ELAVL4: variants seen among roughly 807,000 people sequenced by gnomAD.
ELAVL4 encodes ELAV-like protein 4.
ELAVL4 carries 1 observed loss-of-function variant against 35.6 expected under a neutral mutation model. The observed-to-expected ratio is 0.03, with a 90% confidence interval of 0.01 to 0.13. ELAVL4 has a LOEUF of 0.13. ELAVL4 is among the 10% of genes least tolerant of loss of function. The pLI, the probability that ELAVL4 is intolerant of heterozygous loss-of-function variation, is 1.00. For missense variants in ELAVL4, 267 were observed against 464.9 expected (o/e 0.57, Z 3.91); for synonymous variants, 156 against 171.0 (o/e 0.91, Z 0.69).
chr1:50,090,301 C>T (rs771247065), intron 1 of ELAVL4, among the ~76,000 whole-genome samples: 11 of 152,156 alleles, frequency 7.2e-5, no homozygotes, highest in Non-Finnish European at 1.6e-4. Flanking sequence ...TCTCCTACCC[C>T]CTTCCTCTGC....
At chr1:50,152,249 G>A (rs1220801916) in intron 2 of ELAVL4, among the ~76,000 whole-genome samples, 4 of 152,084 alleles carry the variant, frequency 2.6e-5, no homozygotes, top group Non-Finnish European at 5.9e-5. Flanking sequence ...TCAGATAACC[G>A]TAGGAAAGTA....
chr1:50,186,440 G>A lies in ELAVL4; in HGVS notation c.355-7325G>A, dbSNP rs148672640. Among the ~76,000 whole-genome samples the A allele has an allele frequency of 6.2e-3, 938 of 152,282 alleles. 12 individuals are homozygous for A. Among genetic ancestry groups the A allele is most frequent in the African/African-American group, 0.022 (906 of 41,550 alleles). On this transcript the variant is annotated intron_variant, in intron 3 of 6. Coordinates refer to ENST00000371824, the MANE Select transcript of ELAVL4 (RefSeq NM_001144774.3). ...CCTGGGATCTGGGATCAGGATGCCT[G>A]TAGTGGGAGGTAGGGTAAGTGTAAC...
intron 6 of ELAVL4, among the ~76,000 whole-genome samples, chr1:50,198,573 A>G (rs1644204809): frequency 6.6e-6 from 1 of 152,232 alleles, no homozygotes; most frequent in East Asian, 1.9e-4. Context: ...CAATGAGGAT[A>G]ACTATGAATT....
At chr1:50,121,064 CA>C (rs34285047) in intron 1 of ELAVL4, among the ~76,000 whole-genome samples, 7 of 151,674 alleles carry the variant, frequency 4.6e-5, no homozygotes, top group Non-Finnish European at 8.8e-5. Flanking sequence ...AGTAAGTACT[CA>C]AAAAAAATGT....
intron 2 of ELAVL4, among the ~76,000 whole-genome samples, chr1:50,171,286 C>T (rs1242984226): frequency 1.3e-5 from 2 of 152,226 alleles, no homozygotes; most frequent in African/African-American, 2.4e-5. Context: ...CCTTGAGTAA[C>T]TGCCTGATGC....
chr1:50,165,832 G>A (rs946725292), intron 2 of ELAVL4, among the ~76,000 whole-genome samples: 1 of 150,210 alleles, frequency 6.7e-6, no homozygotes, highest in Non-Finnish European at 1.5e-5. Context: ...ATGTGTGTGT[G>A]TATATATATA....
At chr1:50,199,327 G>A (rs1315523955) in intron 6 of ELAVL4, among the ~76,000 whole-genome samples, 2 of 152,202 alleles carry the variant, frequency 1.3e-5, no homozygotes, top group African/African-American at 4.8e-5. Flanking sequence ...TTTACACCAT[G>A]CTCTTCCCTA....
chr1:50,054,284 G>C (rs1156439200), intron 1 of ELAVL4, among the ~76,000 whole-genome samples: 1 of 152,194 alleles, frequency 6.6e-6, no homozygotes, highest in East Asian at 1.9e-4. Flanking sequence ...GCTGCTGGCA[G>C]AAGTTAGATT....
intron 1 of ELAVL4, among the ~76,000 whole-genome samples, chr1:50,097,816 C>G (rs528219482): frequency 6.6e-6 from 1 of 152,236 alleles, no homozygotes; most frequent in Non-Finnish European, 1.5e-5. Context: ...ATGGAATTGG[C>G]AAACATACAT....
chr1:50,183,198 G>A (rs1219471116), intron 3 of ELAVL4, among the ~76,000 whole-genome samples: 1 of 152,084 alleles, frequency 6.6e-6, no homozygotes, highest in African/African-American at 2.4e-5. Flanking sequence ...GTGCACAAAT[G>A]ACTTAGTGAC....
intron 1 of ELAVL4, among the ~76,000 whole-genome samples, chr1:50,140,153 G>A (rs1412578548): frequency 6.6e-6 from 1 of 152,212 alleles, no homozygotes; most frequent in Non-Finnish European, 1.5e-5. Context: ...AATGAGGAAA[G>A]GAGGGCAAGT....
chr1:50,126,929 G>T (rs2494887), intron 1 of ELAVL4, among the ~76,000 whole-genome samples: 2 of 151,810 alleles, frequency 1.3e-5, no homozygotes, highest in Admixed American at 6.6e-5. Flanking sequence ...TGACATGTTA[G>T]TATTGTGATT....
chr1:50,199,259 A>T (rs1038424596), intron 6 of ELAVL4, among the ~76,000 whole-genome samples: 2 of 152,244 alleles, frequency 1.3e-5, no homozygotes, highest in Admixed American at 1.3e-4. Flanking sequence ...ATTCTTTAAT[A>T]GGACTTTCAA....
chr1:50,192,082 C>T (rs866102176), intron 3 of ELAVL4, among the ~76,000 whole-genome samples: 1 of 152,206 alleles, frequency 6.6e-6, no homozygotes, highest in African/African-American at 2.4e-5. Context: ...CTTCAGCCCA[C>T]ACTGCAAATG....
chr1:50,064,440 T>C (rs991353597), intron 1 of ELAVL4, among the ~76,000 whole-genome samples: 31 of 152,138 alleles, frequency 2.0e-4, no homozygotes, highest in African/African-American at 7.0e-4. Context: ...TACTATTCAT[T>C]TTCTAGATCT....
chr1:50,116,502 A>C (rs1019845033), intron 1 of ELAVL4, among the ~76,000 whole-genome samples: 1 of 151,880 alleles, frequency 6.6e-6, no homozygotes, highest in Non-Finnish European at 1.5e-5. Flanking sequence ...TGGCTTCTAA[A>C]GTACTCTGTG....
chr1:50,073,039 T>G (rs908411450), intron 1 of ELAVL4, among the ~76,000 whole-genome samples: 5 of 152,196 alleles, frequency 3.3e-5, no homozygotes, highest in African/African-American at 1.2e-4. Flanking sequence ...TTTTAAAATC[T>G]TTTCATGTGG....
At chr1:50,110,087 G>A (rs1020264130) in intron 1 of ELAVL4, 8 of 1,266,914 alleles carry the variant, frequency 6.3e-6, no homozygotes, top group Admixed American at 5.9e-5. Flanking sequence ...TGTGCTGATC[G>A]TTTGTGTGTG....
At chr1:50,077,067 A>G (rs150189162) in intron 1 of ELAVL4, among the ~76,000 whole-genome samples, 1 of 152,070 alleles carries the variant, frequency 6.6e-6, no homozygotes, top group Non-Finnish European at 1.5e-5. Context: ...TGTTAGATAC[A>G]TGACCCTATA....
Sources: allele counts gnomAD v4.1 joint callset (sites outside exome capture counted in the v4.1 genomes callset), GRCh38; gene constraint gnomAD v4.1.1; transcripts MANE v1.5; gene names NCBI Gene and HGNC (gene_info 2026-07-23, HGNC 2026-07-21).